AOC3: variants seen among roughly 807,000 people sequenced by gnomAD.
The protein encoded by AOC3 is amine oxidase copper containing 3.
Under a neutral mutation model 55.4 loss-of-function variants are expected in AOC3, and 47 were observed. The observed-to-expected ratio is 0.85, with a 90% CI of 0.67 to 1.08. The LOEUF (loss-of-function observed/expected upper bound fraction) is 1.08, where lower values mean the gene tolerates loss of function less well. Among genes scored for constraint, AOC3 ranks in the 50% least tolerant of loss-of-function variants. AOC3 has a pLI of 0.00. For synonymous variants in AOC3, 386 were observed against 410.7 expected (o/e 0.94, Z 0.73); for missense variants, 853 against 993.1 (o/e 0.86, Z 1.90).
Position 42,851,664 on chromosome 17 carries a change from T to C in AOC3, c.321T>C (p.Ala107=). 6.2e-7 allele frequency: 1 copy of C among 1,612,942 alleles called. No individual in the cohort carries two copies. Among genetic ancestry groups the C allele is most frequent in the Non-Finnish European group, 8.5e-7 (1 of 1,179,972 alleles). ...FSVELQLPPK[A]AALAHLDRGS... ...TGGAGTTGCAGCTGCCTCCCAAGGC[T>C]GCAGCCCTGGCTCACTTGGACAGGG... The change falls in exon 1 of 4, where the codon GCT becomes GCC. Residue 107 remains alanine (A), a synonymous_variant. Transcript: ENST00000308423.
chr17:42,853,445 C>T, intron 1 of AOC3: 7 of 981,678 alleles, frequency 7.1e-6, no homozygotes, highest in Non-Finnish European at 8.5e-6. Flanking sequence ...GCACAATTCA[C>T]CTAAGTGTGA....
In AOC3 at chr17:42,851,413, CT is replaced by C; in HGVS notation, c.71del (p.Leu24ArgfsTer40). The C allele has an allele frequency of 6.2e-7, 1 of 1,614,040 alleles. No homozygotes were observed. Among genetic ancestry groups the C allele is most frequent in the South Asian group, 1.1e-5 (1 of 91,074 alleles). ...VITIFALVCV[L>X]LVGRGGDGGE... ...CACCATCTTTGCCTTGGTTTGTGTC[CT>C]GCTGGTGGGCAGGGGTGGAGATGGG... On this transcript the variant is annotated frameshift_variant, in exon 1 of 4. Coordinates refer to ENST00000308423, the MANE Select transcript of AOC3 (RefSeq NM_003734.4). LOFTEE classifies it high-confidence loss of function.
intron 2 of AOC3, 104 bp downstream of exon 2, chr17:42,854,837 A>G (rs1214544778): frequency 2.8e-6 from 3 of 1,074,666 alleles, no homozygotes; most frequent in Non-Finnish European, 1.2e-6. Context: ...TCTCTCAGGA[A>G]GGCTTTTCTT....
At position 42,852,405 on chromosome 17, in the gene AOC3, C is replaced by T. The variant is rs1464804674; in HGVS notation, c.1062C>T (p.Phe354=). Reference sequence around the variant, plus strand: ...GCCCAAGGATCTTTGACGTTCGCTTCCAAGGAGAAAGACTAGTTTATGAGA... The same window carrying T: ...GCCCAAGGATCTTTGACGTTCGCTTTCAAGGAGAAAGACTAGTTTATGAGA... ...FSGPRIFDVR[F]QGERLVYEIS... is the part of the protein sequence containing the mutation. Residue 354 remains phenylalanine (F), a synonymous_variant, in exon 1 of 4, where the codon TTC becomes TTT. Transcript: ENST00000308423. The T allele has an allele frequency of 6.2e-7, 1 of 1,614,186 alleles. No individual in the cohort carries two copies. The highest frequency in any genetic ancestry group is 2.2e-5 in the East Asian group (1 of 44,872).
rs772851360 is a variant in AOC3, at chr17:42,852,429, G to C, written c.1086G>C (p.Glu362Asp). 5 of 1,614,216 alleles carry C rather than the reference G, an allele frequency of 3.1e-6. No individual in the cohort carries two copies. Among genetic ancestry groups the C allele is most frequent in the Non-Finnish European group, 4.2e-6 (5 of 1,180,044 alleles). The change falls in exon 1 of 4, where the codon GAG becomes GAC. Residue 362 changes from glutamate (E) to aspartate (D), a missense_variant. Coordinates refer to ENST00000308423, the MANE Select transcript of AOC3 (RefSeq NM_003734.4). ...TCCAAGGAGAAAGACTAGTTTATGA[G>C]ATAAGCCTCCAAGAGGCCTTGGCCA... is the stretch of plus-strand genomic sequence containing the variant. ...VRFQGERLVY[E>D]ISLQEALAIY...
Position 42,851,250 on chromosome 17 carries a change from C to G in AOC3, c.-94C>G, listed in dbSNP as rs148275043. ...CCTCAGCCAGAGTCCGGGAGCCCCC[C>G]ACCCCGTCCAGGAGCCAACAGAGCC... On this transcript the variant is annotated 5_prime_UTR_variant, in exon 1 of 4. Coordinates refer to ENST00000308423, the MANE Select transcript of AOC3 (RefSeq NM_003734.4). 2.8e-6 allele frequency: 4 copies of G among 1,421,452 alleles called. No homozygotes were observed. Among genetic ancestry groups the G allele is most frequent in the Non-Finnish European group, 2.9e-6 (3 of 1,045,586 alleles). The allele number at this position is 1,421,452 out of a possible 1,614,324, so 88.1% of individuals were successfully genotyped here. A position where few individuals can be genotyped will look rare whatever the true frequency, so the allele number is the denominator to read the frequency against.
chr17:42,853,222 T>C, intron 1 of AOC3: 3 of 1,287,478 alleles, frequency 2.3e-6, no homozygotes, highest in Non-Finnish European at 3.0e-6. Flanking sequence ...AGTGTCCCCA[T>C]TGCCCTCTTC....
In AOC3 at chr17:42,851,280, T is replaced by G; in HGVS notation, c.-64T>G. On this transcript the variant is annotated 5_prime_UTR_variant, in exon 1 of 4. Coordinates refer to ENST00000308423, the MANE Select transcript of AOC3 (RefSeq NM_003734.4). ...CGTCCAGGAGCCAACAGAGCCCCCG[T>G]CTTGCTGGCGTGAGAATACATTGCT... The G allele has an allele frequency of 2.0e-5, 30 of 1,496,888 alleles. No homozygotes were observed. The highest frequency in any genetic ancestry group is 2.6e-5 in the Non-Finnish European group (29 of 1,108,512). The allele number at this position is 1,496,888 out of a possible 1,614,324, so 92.7% of individuals were successfully genotyped here.
chr17:42,852,383 C>G lies in AOC3; in HGVS notation c.1040C>G (p.Pro347Arg), dbSNP rs1187954352. ...FSFGLGAFSGPRIFDVRFQGE... is the reference protein window; with the variant it reads ...FSFGLGAFSGRRIFDVRFQGE... The stretch of plus-strand genomic sequence containing the variant: ...TTTGGCCTCGGAGCATTCAGTGGCC[C>G]AAGGATCTTTGACGTTCGCTTCCAA... Residue 347 changes from proline (P) to arginine (R), a missense_variant, in exon 1 of 4, where the codon CCA becomes CGA. By Grantham distance (103) the Pro-to-Arg change is moderately radical. Coordinates refer to ENST00000308423, the MANE Select transcript of AOC3 (RefSeq NM_003734.4). 3 of 1,614,130 alleles carry G rather than the reference C, an allele frequency of 1.9e-6. No homozygotes were observed. The highest frequency in any genetic ancestry group is 1.1e-5 in the South Asian group (1 of 91,076).
intron 2 of AOC3, 113 bp from the exon 3 acceptor site, chr17:42,855,331 G>A (rs1186745638): frequency 7.0e-7 from 1 of 1,419,026 alleles, no homozygotes; most frequent in Non-Finnish European, 9.6e-7. Flanking sequence ...CGCCGAGTCA[G>A]TTGTGTGACT....
chr17:42,855,006 A>G (rs1190826122), intron 2 of AOC3, among the ~76,000 whole-genome samples: 2 of 151,810 alleles, frequency 1.3e-5, no homozygotes, highest in South Asian at 2.1e-4. Context: ...GCCACCACAC[A>G]TGGCTAATTT....
rs764239863 is a variant in AOC3, at chr17:42,851,959, C to T, written c.616C>T (p.Arg206Trp). The T allele has an allele frequency of 3.4e-5, 55 of 1,613,644 alleles. No homozygotes were observed. Among genetic ancestry groups the T allele is most frequent in the Admixed American group, 8.3e-5 (5 of 59,996 alleles). ...CTGTTGCTTCTACAAGCACCGGGGA[C>T]GGAACCTGGTGACAATGACCACGGC... ...HHCCFYKHRGRNLVTMTTAPR... is the reference protein window; with the variant it reads ...HHCCFYKHRGWNLVTMTTAPR... Residue 206 changes from arginine to tryptophan, a missense_variant, in exon 1 of 4, where the codon CGG becomes TGG. Transcript: ENST00000308423.
intron 1 of AOC3, 21 bp downstream of exon 1, chr17:42,852,964 G>A (rs2055697573): frequency 1.3e-6 from 2 of 1,592,168 alleles, no homozygotes; most frequent in Non-Finnish European, 8.6e-7. Context: ...TTGGTGGGGA[G>A]AAGGCTTCTG....
chr17:42,857,580 T>C lies in AOC3; in HGVS notation c.*1030T>C, dbSNP rs1178009835. ...GTCCAATCACATTCAGGCATGCGAA[T>C]GAGCTGGGCCCTGGGTGAGGTGGGG... On this transcript the variant is annotated 3_prime_UTR_variant, in exon 4 of 4. Transcript: ENST00000308423. 1 of 152,226 alleles carries C rather than the reference T, an allele frequency of 6.6e-6. No homozygotes were observed. Among genetic ancestry groups the C allele is most frequent in the Non-Finnish European group, 1.5e-5 (1 of 68,018 alleles). 9.4% of individuals were successfully genotyped at this position (152,226 alleles called of 1,614,324 possible).
intron 1 of AOC3, among the ~76,000 whole-genome samples, chr17:42,853,916 G>A (rs1416819487): frequency 2.0e-5 from 3 of 152,216 alleles, no homozygotes; most frequent in South Asian, 2.1e-4. Context: ...CCCTGGACAC[G>A]CACTTCACAT....
chr17:42,851,654 C>T lies in AOC3; in HGVS notation c.311C>T (p.Pro104Leu), dbSNP rs2055667098. 2.5e-6 allele frequency: 4 copies of T among 1,612,940 alleles called. No individual in the cohort carries two copies. Among genetic ancestry groups the T allele is most frequent in the East Asian group, 2.2e-5 (1 of 44,878 alleles). The change falls in exon 1 of 4, where the codon CCT (proline) becomes CTT (leucine). Residue 104 changes from proline to leucine, a missense_variant. Transcript: ENST00000308423. ...GTCTTCTCAGTGGAGTTGCAGCTGC[C>T]TCCCAAGGCTGCAGCCCTGGCTCAC... ...NCVFSVELQL[P>L]PKAAALAHLD... is the part of the protein sequence containing the mutation.
chr17:42,856,633 G>C lies in AOC3; in HGVS notation c.*83G>C. The C allele has an allele frequency of 7.3e-7, 1 of 1,364,086 alleles. No individual in the cohort carries two copies. The highest frequency in any genetic ancestry group is 2.0e-5 in the Admixed American group (1 of 49,060). 84.5% of individuals were successfully genotyped at this position (1,364,086 alleles called of 1,614,324 possible). On this transcript the variant is annotated 3_prime_UTR_variant, in exon 4 of 4. Coordinates refer to ENST00000308423, the MANE Select transcript of AOC3 (RefSeq NM_003734.4). ...GGAGCAGCTGGGCACTGGGCCGGCAGCCTGGTTCCCTCTTTCCTGTGCCAG... is the reference window on the plus strand; with the variant it reads ...GGAGCAGCTGGGCACTGGGCCGGCACCCTGGTTCCCTCTTTCCTGTGCCAG...
chr17:42,856,200 G>A, intron 3 of AOC3, 75 bp from the exon 4 acceptor site: 1 of 1,552,874 alleles, frequency 6.4e-7, no homozygotes, highest in Non-Finnish European at 8.8e-7. Context: ...TCCTTGGGCT[G>A]GTGAGCTGAA....
chr17:42,852,190 G>C lies in AOC3; in HGVS notation c.847G>C (p.Ala283Pro). 6.2e-7 allele frequency: 1 copy of C among 1,613,838 alleles called. No homozygotes were observed. Among genetic ancestry groups the C allele is most frequent in the Non-Finnish European group, 8.5e-7 (1 of 1,179,840 alleles). Residue 283 changes from alanine (A) to proline (P), a missense_variant, in exon 1 of 4, where the codon GCC becomes CCC. Ala to Pro is a conservative substitution (Grantham distance 27, BLOSUM62 -1). Transcript: ENST00000308423. ...SLAQLEAQFE[A>P]GLVNVVLIPD... Reference sequence around the variant, plus strand: ...GGCCCAGCTGGAGGCCCAGTTTGAGGCCGGCCTGGTGAATGTGGTGCTGAT... The same window carrying C: ...GGCCCAGCTGGAGGCCCAGTTTGAGCCCGGCCTGGTGAATGTGGTGCTGAT...
Sources: gnomAD v4.1 joint callset for allele counts (sites outside exome capture counted in the v4.1 genomes callset) on GRCh38, gnomAD v4.1.1 for gene constraint, MANE v1.5 for transcripts, NCBI Gene and HGNC (gene_info 2026-07-23, HGNC 2026-07-21) for gene names.